RPL14: variants seen among roughly 807,000 people sequenced by gnomAD.
RPL14 encodes the protein ribosomal protein L14.
A neutral mutation model predicts 25.3 loss-of-function variants in RPL14; 4 were observed. That is an observed-to-expected ratio of 0.16 (90% CI 0.08 to 0.36). RPL14 has a LOEUF of 0.36. Ranked by LOEUF, RPL14 falls within the 10% of genes least tolerant of loss-of-function variation. RPL14 has a pLI of 1.00. For synonymous variants in RPL14, 75 were observed against 89.8 expected (o/e 0.84, Z 0.93); for missense variants, 212 against 261.9 (o/e 0.81, Z 1.31).
rs551859100 is a variant in RPL14 at position 40,459,019 on chromosome 3, A to G, written c.200+283A>G. ...GCGAAAACCCCCATCTCTACAAAAA[A>G]TAAAAAAAAAATTCGTTGGGCATGG... is the stretch of plus-strand genomic sequence containing the variant. On this transcript the variant is annotated intron_variant, in intron 3 of 5. Coordinates refer to ENST00000396203, the MANE Select transcript of RPL14 (RefSeq NM_001034996.3). 9.4e-5 allele frequency: 32 copies of G among 339,902 alleles called. No homozygotes were observed. The East Asian group carries it at 2.0e-3, about 21-fold the overall frequency. 21.1% of individuals were successfully genotyped at this position (339,902 alleles called of 1,614,324 possible).
intron 5 of RPL14, 91 bp downstream of exon 5, chr3:40,461,752 G>A (rs1468586973): frequency 1.2e-5 from 16 of 1,369,342 alleles, no homozygotes; most frequent in Non-Finnish European, 1.6e-5. Flanking sequence ...CAGCTTCTTG[G>A]AAGCTTTCTG....
At chr3:40,457,715 C>G (rs1013660536) in intron 1 of RPL14, 175 bp from the exon 2 acceptor site, 3 of 685,214 alleles carry the variant, frequency 4.4e-6, no homozygotes, top group Non-Finnish European at 7.5e-6. Flanking sequence ...CGGGCTTAAG[C>G]TACTGAGGCG....
intron 3 of RPL14, among the ~76,000 whole-genome samples, chr3:40,461,025 G>A (rs1293075430): frequency 6.6e-6 from 1 of 152,068 alleles, no homozygotes; most frequent in Non-Finnish European, 1.5e-5. Context: ...GCAAGACCCT[G>A]TCTCTACAAA....
rs1401556942 is a variant in RPL14 at position 40,466,841 on chromosome 3, T to C, written c.*4609T>C. ...TTCAGAAAGTCTTGACTTCCTCTTATCTCTAAGTAATTGGCATGTCCTCTA... is the reference window on the plus strand; with the variant it reads ...TTCAGAAAGTCTTGACTTCCTCTTACCTCTAAGTAATTGGCATGTCCTCTA... On this transcript the variant is annotated 3_prime_UTR_variant, in exon 6 of 6. Transcript: ENST00000396203. 1 of 152,238 alleles carries C rather than the reference T, an allele frequency of 6.6e-6. No homozygotes were observed. 9.4% of individuals were successfully genotyped at this position (152,238 alleles called of 1,614,324 possible).
In RPL14 at chr3:40,466,597, A is replaced by G. The variant is rs1375095648; in HGVS notation, c.*4365A>G. On this transcript the variant is annotated 3_prime_UTR_variant, in exon 6 of 6. Transcript: ENST00000396203. ...TCATTCAGCCCAAACTCATTACTTT[A>G]TGTTACTTATGGGAACCTCATCTAA... The G allele has an allele frequency of 6.6e-6, 1 of 151,040 alleles. No individual in the cohort carries two copies. Among genetic ancestry groups the G allele is most frequent in the Non-Finnish European group, 1.5e-5 (1 of 67,798 alleles). The allele number at this position is 151,040 out of a possible 1,614,324, so 9.4% of individuals were successfully genotyped here. A position where few individuals can be genotyped will look rare whatever the true frequency, so the allele number is the denominator to read the frequency against.
At position 40,463,174 on chromosome 3, in the gene RPL14, C is replaced by T. The variant is rs996565881; in HGVS notation, c.*942C>T. ...ATCCGCCTGTCTCGGCCTCCCAGAGCGGGGGATTATAGGCATGGGCCACTG... is the reference window on the plus strand; with the variant it reads ...ATCCGCCTGTCTCGGCCTCCCAGAGTGGGGGATTATAGGCATGGGCCACTG... On this transcript the variant is annotated 3_prime_UTR_variant, in exon 6 of 6. Coordinates refer to ENST00000396203, the MANE Select transcript of RPL14 (RefSeq NM_001034996.3). 2 of 151,766 alleles carry T rather than the reference C, an allele frequency of 1.3e-5. No homozygotes were observed. Among genetic ancestry groups the T allele is most frequent in the Admixed American group, 6.6e-5 (1 of 15,214 alleles). 9.4% of individuals were successfully genotyped at this position (151,766 alleles called of 1,614,324 possible). A position where few individuals can be genotyped will look rare whatever the true frequency, so the allele number is the denominator to read the frequency against.
At position 40,467,776 on chromosome 3, in the gene RPL14, G is replaced by C. The variant is rs1697049066; in HGVS notation, c.*5544G>C. On this transcript the variant is annotated 3_prime_UTR_variant, in exon 6 of 6. Coordinates refer to ENST00000396203, the MANE Select transcript of RPL14 (RefSeq NM_001034996.3). The stretch of plus-strand genomic sequence containing the variant: ...TTGACCTCTATTGATAGACATTTCG[G>C]ATGATGCCAATTTCTTTTTCTGGTT... 6.6e-6 allele frequency: 1 copy of C among 151,818 alleles called. No individual in the cohort carries two copies. The allele number at this position is 151,818 out of a possible 1,614,324, so 9.4% of individuals were successfully genotyped here.
chr3:40,457,605 C>T (rs958053098), intron 1 of RPL14, 131 bp downstream of exon 1: 8 of 756,350 alleles, frequency 1.1e-5, no homozygotes, highest in East Asian at 5.5e-5. Flanking sequence ...GCGTGCGCGC[C>T]TCCGCCGCTG....
In RPL14 at chr3:40,462,511, G is replaced by A. The variant is rs1696959862; in HGVS notation, c.*279G>A. On this transcript the variant is annotated 3_prime_UTR_variant, in exon 6 of 6. Transcript: ENST00000396203. ...CCTGCCTCAGCCTCCTGAGCAGCTG[G>A]GACTACAGGTGCCCGCCACCGCGCC... is the stretch of plus-strand genomic sequence containing the variant. 3.7e-6 allele frequency: 1 copy of A among 271,608 alleles called. No homozygotes were observed. The highest frequency in any genetic ancestry group is 6.8e-6 in the Non-Finnish European group (1 of 146,452). The allele number at this position is 271,608 out of a possible 1,614,324, so 16.8% of individuals were successfully genotyped here. A position where few individuals can be genotyped will look rare whatever the true frequency, so the allele number is the denominator to read the frequency against.
rs1265274516 is a variant in RPL14, at chr3:40,465,475, A to C, written c.*3243A>C. The C allele has an allele frequency of 6.6e-6, 1 of 152,188 alleles. No homozygotes were observed. The highest frequency in any genetic ancestry group is 2.4e-5 in the African/African-American group (1 of 41,432). The allele number at this position is 152,188 out of a possible 1,614,324, so 9.4% of individuals were successfully genotyped here. A position where few individuals can be genotyped will look rare whatever the true frequency, so the allele number is the denominator to read the frequency against. On this transcript the variant is annotated 3_prime_UTR_variant, in exon 6 of 6. Transcript: ENST00000396203. Reference sequence around the variant, plus strand: ...GGAAAGATGTCCTTTACGTGAGGAAAAGGAAGAAAAGGTGGGTTTAGATAC... The same window carrying C: ...GGAAAGATGTCCTTTACGTGAGGAACAGGAAGAAAAGGTGGGTTTAGATAC...
intron 1 of RPL14, 146 bp from the exon 2 acceptor site, chr3:40,457,744 C>T: frequency 3.8e-6 from 3 of 783,970 alleles, no homozygotes; most frequent in South Asian, 3.4e-5. Flanking sequence ...TTTCGTCCAT[C>T]CAGGTTGGCG....
rs374794187 is a variant in RPL14 at position 40,457,381 on chromosome 3, G to A, written c.-91G>A. The A allele has an allele frequency of 5.6e-6, 9 of 1,603,956 alleles. No homozygotes were observed. The African/African-American group carries it at 1.1e-4, about 19-fold the overall frequency. ...CCAACATGGTGAGTCTTACTGTTGCGGGCTCCGGGGCCGTCGACCATGCCG... is the reference window on the plus strand; with the variant it reads ...CCAACATGGTGAGTCTTACTGTTGCAGGCTCCGGGGCCGTCGACCATGCCG... On this transcript the variant is annotated 5_prime_UTR_variant, in exon 1 of 6. Transcript: ENST00000396203.
intron 1 of RPL14, 95 bp downstream of exon 1, chr3:40,457,569 G>GGCAGGCCTGGCGC: frequency 9.3e-7 from 1 of 1,074,666 alleles, no homozygotes; most frequent in Non-Finnish European, 1.4e-6. Context: ...TGGAGGGCCC[G>GGCAGGCCTGGCGC]GCAGGCCTGG....
At chr3:40,458,951 G>A (rs1696885750) in intron 3 of RPL14, 3 of 484,654 alleles carry the variant, frequency 6.2e-6, no homozygotes, top group Non-Finnish European at 1.1e-5. Context: ...CACGGTGGGA[G>A]GGTCTCTTGA....
chr3:40,458,022 C>T (rs755319391), intron 2 of RPL14, 31 bp downstream of exon 2: 5 of 1,569,740 alleles, frequency 3.2e-6, no homozygotes, highest in Non-Finnish European at 2.6e-6. Flanking sequence ...CTAAACATGG[C>T]AGTGGACATG....
rs1385802866 is a variant in RPL14 at position 40,464,572 on chromosome 3, G to A, written c.*2340G>A. 1.1e-5 allele frequency: 5 copies of A among 451,912 alleles called. No homozygotes were observed. The highest frequency in any genetic ancestry group is 4.0e-5 in the African/African-American group (2 of 49,810). 28.0% of individuals were successfully genotyped at this position (451,912 alleles called of 1,614,324 possible). On this transcript the variant is annotated 3_prime_UTR_variant, in exon 6 of 6. Coordinates refer to ENST00000396203, the MANE Select transcript of RPL14 (RefSeq NM_001034996.3). ...AAGGAAGTAGGTTAGTGGTTAGATC[G>A]TGTAGGGGAACACGGGAAGCTACTG...
At chr3:40,460,616 GT>G (rs59007316) in intron 3 of RPL14, among the ~76,000 whole-genome samples, 4 of 147,386 alleles carry the variant, frequency 2.7e-5, no homozygotes, top group Non-Finnish European at 4.5e-5. Flanking sequence ...TTTTTTGAGG[GT>G]TTTTTTTTTC....
rs1697061512 is a variant in RPL14 at position 40,468,547 on chromosome 3, C to G, written c.*6315C>G. On this transcript the variant is annotated 3_prime_UTR_variant, in exon 6 of 6. Transcript: ENST00000396203. ...TATTTTAAATGTTTTCCTTTAGTTT[C>G]CAACCACATTTTCAAATAAAATTTA... 1.3e-5 allele frequency: 2 copies of G among 152,122 alleles called. No homozygotes were observed. The highest frequency in any genetic ancestry group is 4.8e-5 in the African/African-American group (2 of 41,408). The allele number at this position is 152,122 out of a possible 1,614,324, so 9.4% of individuals were successfully genotyped here. A position where few individuals can be genotyped will look rare whatever the true frequency, so the allele number is the denominator to read the frequency against.
At chr3:40,461,232 A>G (rs553968498) in intron 3 of RPL14, among the ~76,000 whole-genome samples, 175 bp from the exon 4 acceptor site, 184 of 152,292 alleles carry the variant, frequency 1.2e-3, no homozygotes, top group African/African-American at 4.3e-3. Context: ...TTTGATTAAA[A>G]TATGCTTGAA....
Sources: allele counts gnomAD v4.1 joint callset (sites outside exome capture counted in the v4.1 genomes callset), GRCh38; gene constraint gnomAD v4.1.1; transcripts MANE v1.5; gene names NCBI Gene and HGNC (gene_info 2026-07-23, HGNC 2026-07-21).